Variants in NRXN3 observed in about 807,000 individuals in gnomAD.
The protein encoded by NRXN3 is neurexin III.
Under a neutral mutation model 137.6 loss-of-function variants are expected in NRXN3, and 32 were observed. The ratio of observed to expected loss-of-function variants is 0.23; its 90% CI spans 0.18 to 0.31. The LOEUF is 0.31. Among genes scored for constraint, NRXN3 ranks in the 10% least tolerant of loss-of-function variants. The pLI, the probability that NRXN3 is intolerant of heterozygous loss-of-function variation, is 1.00. For synonymous variants in NRXN3, 798 were observed against 784.5 expected (o/e 1.02, Z -0.29); for missense variants, 1,574 against 2,062.5 (o/e 0.76, Z 4.59).
intron 16 of NRXN3, among the ~76,000 whole-genome samples, chr14:79,468,881 A>AT (rs1191853218): frequency 6.6e-6 from 1 of 152,120 alleles, no homozygotes; most frequent in Non-Finnish European, 1.5e-5. Context: ...GAACTTTTCA[A>AT]TTTTTTCTCA....
intron 20 of NRXN3, among the ~76,000 whole-genome samples, chr14:79,806,960 ATATTTTTTTTTTTT>A (rs1211867511): frequency 5.0e-4 from 26 of 51,808 alleles, no homozygotes; most frequent in African/African-American, 1.9e-3. Flanking sequence ...ATATATATAT[ATATTTTTTTTTTTT>A]TTTTTTTTTT....
chr14:78,917,801 T>G (rs527668895), intron 10 of NRXN3, among the ~76,000 whole-genome samples: 1 of 152,150 alleles, frequency 6.6e-6, no homozygotes, highest in Admixed American at 6.5e-5. Context: ...GAAACCTAAG[T>G]GTGAAAACAC....
Position 78,752,297 on chromosome 14 carries a change from G to T in NRXN3, c.2044+37158G>T, listed in dbSNP as rs111747262. ...CTGGGTATGGTGGCACATGCCCATAGTCCAGCCACTCGGGAGGCTGAGGCA... is the reference window on the plus strand; with the variant it reads ...CTGGGTATGGTGGCACATGCCCATATTCCAGCCACTCGGGAGGCTGAGGCA... On this transcript the variant is annotated intron_variant, in intron 8 of 20. Transcript: ENST00000335750. Among the ~76,000 whole-genome samples, 920 of 152,272 alleles carry T rather than the reference G, an allele frequency of 6.0e-3. 9 individuals are homozygous for T. The highest frequency in any genetic ancestry group is 0.044 in the Middle Eastern group (13 of 294).
chr14:78,704,433 A>C (rs1006942546), intron 6 of NRXN3, among the ~76,000 whole-genome samples: 2 of 152,196 alleles, frequency 1.3e-5, no homozygotes, highest in African/African-American at 4.8e-5. Context: ...CCCAGTGAAC[A>C]AGAATGCAGA....
At chr14:79,360,637 T>TA (rs2093651532) in intron 15 of NRXN3, among the ~76,000 whole-genome samples, 3 of 152,210 alleles carry the variant, frequency 2.0e-5, no homozygotes, top group Non-Finnish European at 4.4e-5. Flanking sequence ...AAATAGCTCA[T>TA]GGAGTTTTTA....
intron 19 of NRXN3, among the ~76,000 whole-genome samples, chr14:79,774,120 A>G (rs1286894300): frequency 6.6e-6 from 1 of 152,144 alleles, no homozygotes; most frequent in Non-Finnish European, 1.5e-5. Flanking sequence ...GTGATTTATG[A>G]TGAAAATCTT....
intron 15 of NRXN3, among the ~76,000 whole-genome samples, chr14:79,449,513 T>A (rs1270339227): frequency 6.6e-6 from 1 of 152,234 alleles, no homozygotes; most frequent in Non-Finnish European, 1.5e-5. Flanking sequence ...GTGAATGAGC[T>A]GTAATTTTTT....
intron 6 of NRXN3, among the ~76,000 whole-genome samples, chr14:78,699,171 G>A (rs75439998): frequency 0.013 from 2,036 of 152,178 alleles, 58 homozygotes; most frequent in African/African-American, 0.047. Flanking sequence ...ATGAAGCCAT[G>A]GGGGCGGAGA....
intron 15 of NRXN3, among the ~76,000 whole-genome samples, chr14:79,437,421 A>G (rs2095862554): frequency 6.6e-6 from 1 of 152,098 alleles, no homozygotes; most frequent in African/African-American, 2.4e-5. Context: ...GTTCTAAAAA[A>G]AAAAAAAAGC....
chr14:79,617,917 C>CAAAAAAAAAAAAAAAAAA lies in NRXN3; in HGVS notation c.3445-45846_3445-45845insAAAAAAAAAAAAAAAAAA, dbSNP rs1162153685. On this transcript the variant is annotated intron_variant, in intron 16 of 20. Transcript: ENST00000335750. ...TTCAGAGATAGGAGCTGAATAGCAG[C>CAAAAAAAAAAAAAAAAAA]AAAAAAAAAAAAAAACATGCTTATG... Among the ~76,000 whole-genome samples the CAAAAAAAAAAAAAAAAAA allele has an allele frequency of 8.3e-4, 76 of 91,298 alleles. 6 individuals carry two copies. Among genetic ancestry groups the CAAAAAAAAAAAAAAAAAA allele is most frequent in the Middle Eastern group, 6.8e-3 (1 of 148 alleles). The allele number at this position is 91,298 out of a possible 152,430, so 59.9% of individuals were successfully genotyped here. A position where few individuals can be genotyped will look rare whatever the true frequency, so the allele number is the denominator to read the frequency against.
chr14:79,664,570 G>T (rs2098549178), intron 17 of NRXN3, among the ~76,000 whole-genome samples: 1 of 152,230 alleles, frequency 6.6e-6, no homozygotes, highest in Non-Finnish European at 1.5e-5. Flanking sequence ...GCAGGAAAAG[G>T]GGTTAATCAT....
At chr14:79,362,914 T>C (rs1427199732) in intron 15 of NRXN3, among the ~76,000 whole-genome samples, 1 of 152,226 alleles carries the variant, frequency 6.6e-6, no homozygotes, top group Non-Finnish European at 1.5e-5. Context: ...AGCTTGGATT[T>C]GGGCAATAGA....
intron 1 of NRXN3, among the ~76,000 whole-genome samples, chr14:78,241,961 G>C (rs1276053760): frequency 6.6e-6 from 1 of 152,150 alleles, no homozygotes; most frequent in Admixed American, 6.5e-5. Flanking sequence ...TTCCTACAGT[G>C]AGTTGTCAAA....
intron 19 of NRXN3, among the ~76,000 whole-genome samples, chr14:79,708,229 T>C (rs2098788952): frequency 6.6e-6 from 1 of 150,490 alleles, no homozygotes; most frequent in Non-Finnish European, 1.5e-5. Flanking sequence ...CAATACAGTA[T>C]AACAACTATT....
rs190693185 is a variant in NRXN3, at chr14:79,067,784, G to T, written c.3262+79643G>T. On this transcript the variant is annotated intron_variant, in intron 15 of 20. Transcript: ENST00000335750. The stretch of plus-strand genomic sequence containing the variant: ...TGGTAAAGACTCTACCTTCAAATAA[G>T]TTCACAATGTCTAACTGTGAGTTAG... Among the ~76,000 whole-genome samples, 3 of 152,096 alleles carry T rather than the reference G, an allele frequency of 2.0e-5. No individual in the cohort carries two copies. The East Asian group carries it at 5.8e-4, about 29-fold the overall frequency.
At chr14:78,566,454 A>C (rs950651696) in intron 4 of NRXN3, among the ~76,000 whole-genome samples, 8 of 151,928 alleles carry the variant, frequency 5.3e-5, no homozygotes, top group Non-Finnish European at 1.2e-4. Flanking sequence ...AGTAAGGGAA[A>C]GCTAAGAGGT....
intron 19 of NRXN3, among the ~76,000 whole-genome samples, chr14:79,797,215 T>G (rs1473688447): frequency 1.3e-5 from 2 of 152,220 alleles, no homozygotes; most frequent in African/African-American, 4.8e-5. Context: ...ATGCAATATC[T>G]TTAGCTCAGG....
At chr14:78,330,274 T>G (rs1039907552) in intron 4 of NRXN3, among the ~76,000 whole-genome samples, 5 of 152,108 alleles carry the variant, frequency 3.3e-5, no homozygotes, top group Middle Eastern at 3.2e-3. Flanking sequence ...CCCTAAGAGA[T>G]TTGGCTAAGC....
chr14:79,220,738 CTTTT>C (rs1316081052), intron 15 of NRXN3, among the ~76,000 whole-genome samples: 1 of 151,774 alleles, frequency 6.6e-6, no homozygotes, highest in Non-Finnish European at 1.5e-5. Context: ...TCTTCCATAT[CTTTT>C]TTTAATATAT....
Sources: gnomAD v4.1 joint callset for allele counts (sites outside exome capture counted in the v4.1 genomes callset) on GRCh38, gnomAD v4.1.1 for gene constraint, MANE v1.5 for transcripts, NCBI Gene and HGNC (gene_info 2026-07-23, HGNC 2026-07-21) for gene names.